Variants in TSHR observed in about 807,000 individuals in gnomAD.
TSHR encodes the protein thyroid stimulating hormone receptor, also known as thyrotropin receptor.
TSHR carries 51 observed loss-of-function variants against 64.1 expected under a neutral mutation model. That is an observed-to-expected ratio of 0.80 (90% CI 0.64 to 1.01). The LOEUF (loss-of-function observed/expected upper bound fraction) is 1.01, where lower values mean the gene tolerates loss of function less well. TSHR is among the 50% of genes least tolerant of loss of function. The probability of loss-of-function intolerance (pLI) is 0.00; values close to 1 mark genes in which losing one functional copy is unlikely to be tolerated. For synonymous variants in TSHR, 361 were observed against 361.9 expected, an observed-to-expected ratio of 1.00 and a Z score of 0.03; for missense variants, 877 against 942.8, an observed-to-expected ratio of 0.93 and a Z score of 0.91.
intron 1 of TSHR, among the ~76,000 whole-genome samples, chr14:81,008,562 G>C (rs1170109246): frequency 1.3e-5 from 2 of 152,116 alleles, no homozygotes. Context: ...TCTTATTCTA[G>C]CATATAGTGC....
intron 1 of TSHR, among the ~76,000 whole-genome samples, chr14:80,974,282 G>A (rs1044413236): frequency 6.6e-6 from 1 of 152,172 alleles, no homozygotes; most frequent in Non-Finnish European, 1.5e-5. Flanking sequence ...AGCAACACTT[G>A]TCTACTTTTC....
chr14:81,089,451 G>C (rs976388570), intron 4 of TSHR, among the ~76,000 whole-genome samples: 4 of 152,176 alleles, frequency 2.6e-5, no homozygotes, highest in African/African-American at 9.7e-5. Flanking sequence ...ATAACCCTTT[G>C]ATGTGATGAT....
At chr14:80,997,293 A>T (rs1254114360) in intron 1 of TSHR, among the ~76,000 whole-genome samples, 1 of 152,230 alleles carries the variant, frequency 6.6e-6, no homozygotes, top group East Asian at 1.9e-4. Context: ...AAGCACTTTA[A>T]CCTTTATCAT....
chr14:81,044,382 G>A (rs558874921), intron 1 of TSHR, among the ~76,000 whole-genome samples: 2 of 152,264 alleles, frequency 1.3e-5, no homozygotes, highest in East Asian at 1.9e-4. Flanking sequence ...CTATGAGGCC[G>A]GGACAGTGGC....
In TSHR at chr14:81,145,828, C is replaced by T. The variant is rs1595181977; in HGVS notation, c.*1475C>T. ...TCTCCAGGTTACCTGTGATGATAGC[C>T]CCCTAATGTCCTGCTAGAAAAGTCT... On this transcript the variant is annotated 3_prime_UTR_variant, in exon 10 of 10. Coordinates refer to ENST00000298171, the MANE Select transcript of TSHR (RefSeq NM_000369.5). 1 of 232,750 alleles carries T rather than the reference C, an allele frequency of 4.3e-6. No homozygotes were observed. Among genetic ancestry groups the T allele is most frequent in the East Asian group, 6.1e-5 (1 of 16,500 alleles). 14.4% of individuals were successfully genotyped at this position (232,750 alleles called of 1,614,324 possible).
chr14:81,030,989 G>C lies in TSHR; in HGVS notation c.171-31159G>C, dbSNP rs368011618. Among the ~76,000 whole-genome samples, 159 of 152,186 alleles carry C rather than the reference G, an allele frequency of 1.0e-3. 3 individuals carry two copies. In the South Asian group the frequency reaches 0.032, roughly 31 times the overall value. ...AAAATCACAACAAGATAAGACTTTA[G>C]ACCTCTCTGTAAAAGCTGCGGTATA... On this transcript the variant is annotated intron_variant, in intron 1 of 9. Coordinates refer to ENST00000298171, the MANE Select transcript of TSHR (RefSeq NM_000369.5).
intron 1 of TSHR, among the ~76,000 whole-genome samples, chr14:80,980,305 T>C (rs1417117315): frequency 6.6e-6 from 1 of 152,184 alleles, no homozygotes; most frequent in Non-Finnish European, 1.5e-5. Flanking sequence ...GCAACACAGA[T>C]AACTATGTGC....
intron 1 of TSHR, chr14:81,012,817 G>A (rs1396950640): frequency 6.6e-6 from 1 of 151,752 alleles, no homozygotes; most frequent in Non-Finnish European, 1.5e-5. Context: ...ATTTGTTTGA[G>A]TTCATTGTAG....
At chr14:81,091,210 C>G in intron 5 of TSHR, 67 bp downstream of exon 5, 1 of 1,375,672 alleles carries the variant, frequency 7.3e-7, no homozygotes, top group Non-Finnish European at 1.0e-6. Context: ...AGAATACAGT[C>G]ATGAGGGTAG....
intron 1 of TSHR, chr14:81,050,285 C>G (rs538039263): frequency 7.9e-5 from 12 of 152,164 alleles, no homozygotes; most frequent in Non-Finnish European, 1.2e-4. Context: ...AATCAGTGTT[C>G]AGACCTTCAG....
intron 1 of TSHR, chr14:80,991,698 T>A (rs989766591): frequency 2.5e-6 from 1 of 396,558 alleles, no homozygotes; most frequent in Non-Finnish European, 4.4e-6. Context: ...CAAGTGATAA[T>A]AGAAGGGCCT....
At chr14:81,100,178 A>T (rs1228653909) in intron 7 of TSHR, among the ~76,000 whole-genome samples, 1 of 152,196 alleles carries the variant, frequency 6.6e-6, no homozygotes, top group East Asian at 1.9e-4. Flanking sequence ...TTATGATCTT[A>T]TAAAGTTAAA....
chr14:81,070,509 C>G (rs144905919), intron 3 of TSHR, among the ~76,000 whole-genome samples: 2,029 of 151,354 alleles, frequency 0.013, 58 homozygotes, highest in African/African-American at 0.046. Flanking sequence ...TCCCTGTAAT[C>G]CCAGCTACTC....
At chr14:81,060,461 A>G (rs1886153491) in intron 1 of TSHR, among the ~76,000 whole-genome samples, 1 of 152,166 alleles carries the variant, frequency 6.6e-6, no homozygotes, top group Admixed American at 6.6e-5. Flanking sequence ...TTAAGGCAAC[A>G]TTGGGCTTCA....
At chr14:81,036,702 C>T (rs573862092) in intron 1 of TSHR, among the ~76,000 whole-genome samples, 22 of 152,084 alleles carry the variant, frequency 1.4e-4, no homozygotes, top group Middle Eastern at 3.4e-3. Context: ...TTAGAATACT[C>T]CATTACTGTA....
At chr14:81,047,313 C>T (rs937285930) in intron 1 of TSHR, among the ~76,000 whole-genome samples, 26 of 152,020 alleles carry the variant, frequency 1.7e-4, no homozygotes, top group Middle Eastern at 3.2e-3. Flanking sequence ...GCACAAACAA[C>T]GGACACCAAT....
intron 1 of TSHR, chr14:81,032,704 G>C: frequency 2.3e-6 from 1 of 428,718 alleles, no homozygotes; most frequent in Non-Finnish European, 4.6e-6. Context: ...AAGAAGAAGG[G>C]ACTCATGCCT....
chr14:81,025,341 A>G (rs1199504487), intron 1 of TSHR, among the ~76,000 whole-genome samples: 1 of 152,190 alleles, frequency 6.6e-6, no homozygotes, highest in Non-Finnish European at 1.5e-5. Flanking sequence ...CAAATCTCCA[A>G]AAAAGGATTC....
intron 1 of TSHR, among the ~76,000 whole-genome samples, chr14:81,017,355 C>A (rs1883468295): frequency 6.6e-6 from 1 of 152,124 alleles, no homozygotes; most frequent in Admixed American, 6.6e-5. Context: ...AGATTGGGCA[C>A]CAGGATAATG....
Sources: allele counts gnomAD v4.1 joint callset (sites outside exome capture counted in the v4.1 genomes callset), GRCh38; gene constraint gnomAD v4.1.1; transcripts MANE v1.5; gene names NCBI Gene and HGNC (gene_info 2026-07-23, HGNC 2026-07-21).